Variants in NECTIN2 observed in about 807,000 individuals in gnomAD.
The protein encoded by NECTIN2 is nectin cell adhesion molecule 2, also known as nectin-2.
Under a neutral mutation model 56.9 loss-of-function variants are expected in NECTIN2, and 23 were observed. That is an observed-to-expected ratio of 0.40 (90% CI 0.29 to 0.57). The LOEUF (loss-of-function observed/expected upper bound fraction) is 0.57. Among genes scored for constraint, NECTIN2 ranks in the 20% least tolerant of loss-of-function variants. The probability of loss-of-function intolerance (pLI) is 0.38; values close to 1 mark genes in which losing one functional copy is unlikely to be tolerated. For synonymous variants in NECTIN2, 302 were observed against 313.8 expected (o/e 0.96, Z 0.40); for missense variants, 587 against 718.3 (o/e 0.82, Z 2.09).
At chr19:44,878,335 G>A in intron 5 of NECTIN2, 1 of 1,541,108 alleles carries the variant, frequency 6.5e-7, no homozygotes. Flanking sequence ...TCATCCTGCT[G>A]AGGGTGAGGA....
Position 44,874,541 on chromosome 19 carries a change from C to T in NECTIN2, c.1042+63C>T. ...TCCGCTCCCCTGGAGTTCTGCCCTTCAGGACTTGGGGCTGCACTGGGGGAG... is the reference window on the plus strand; with the variant it reads ...TCCGCTCCCCTGGAGTTCTGCCCTTTAGGACTTGGGGCTGCACTGGGGGAG... On this transcript the variant is annotated intron_variant, in intron 5 of 8. Coordinates refer to ENST00000252483, the MANE Select transcript of NECTIN2 (RefSeq NM_001042724.2). This position sits in a 1 kb window ranked among gnomAD's most constrained non-coding sequence, Gnocchi z 6.3. 1.3e-6 allele frequency: 2 copies of T among 1,593,150 alleles called. No homozygotes were observed. Among genetic ancestry groups the T allele is most frequent in the Non-Finnish European group, 1.7e-6 (2 of 1,172,080 alleles).
intron 8 of NECTIN2, 23 bp from the exon 9 acceptor site, chr19:44,888,087 T>C: frequency 6.2e-7 from 1 of 1,603,642 alleles, no homozygotes; most frequent in Non-Finnish European, 8.5e-7. Flanking sequence ...GATCTTGAGT[T>C]CCTGTCCTCT....
intron 1 of NECTIN2, among the ~76,000 whole-genome samples, chr19:44,854,567 C>T (rs1968940981): frequency 6.6e-6 from 1 of 152,072 alleles, no homozygotes; most frequent in Non-Finnish European, 1.5e-5. Context: ...AATCCCAACA[C>T]TTTGGGAGGC....
intron 1 of NECTIN2, among the ~76,000 whole-genome samples, chr19:44,849,005 GGCA>G (rs1319128189): frequency 6.6e-6 from 1 of 152,146 alleles, no homozygotes; most frequent in Non-Finnish European, 1.5e-5. Flanking sequence ...GCAGAGGGAC[GGCA>G]GCCTGGCTGT....
In NECTIN2 at chr19:44,874,133, G is replaced by A; in HGVS notation, c.893+100G>A. ...GGAGGGGCTGGGGGCCTGGACTCCT[G>A]GATCTGAGGGAGGAGGGGCTGGGCC... On this transcript the variant is annotated intron_variant, in intron 4 of 8. Transcript: ENST00000252483. The surrounding 1 kb of genome is among the most constrained non-coding windows in gnomAD (Gnocchi z 6.3). 1.7e-6 allele frequency: 2 copies of A among 1,211,856 alleles called. No homozygotes were observed. Among genetic ancestry groups the A allele is most frequent in the African/African-American group, 1.7e-5 (1 of 59,554 alleles). The allele number at this position is 1,211,856 out of a possible 1,614,324, so 75.1% of individuals were successfully genotyped here. A position where few individuals can be genotyped will look rare whatever the true frequency, so the allele number is the denominator to read the frequency against.
intron 5 of NECTIN2, chr19:44,878,415 C>G: frequency 6.4e-7 from 1 of 1,573,628 alleles, no homozygotes; most frequent in South Asian, 1.2e-5. Flanking sequence ...GATCCGAAAG[C>G]TCAGGTGTTG....
chr19:44,871,312 T>C (rs1043815055), intron 2 of NECTIN2, among the ~76,000 whole-genome samples: 1 of 152,124 alleles, frequency 6.6e-6, no homozygotes, highest in African/African-American at 2.4e-5. Context: ...AGATGGCTTG[T>C]GCTCAGGAGT....
At chr19:44,860,414 G>A (rs2122649912) in intron 1 of NECTIN2, among the ~76,000 whole-genome samples, 1 of 152,234 alleles carries the variant, frequency 6.6e-6, no homozygotes, top group East Asian at 1.9e-4. Context: ...TTGGGGGGCT[G>A]AGGTGGGAGG....
In NECTIN2 at chr19:44,846,453, C is replaced by G. The variant is rs1165531466; in HGVS notation, c.-73C>G. ...CGGAGCCCCACAGGCACCTACTAAA[C>G]CGCCCAGCCGATCGGCCCCCACAGA... On this transcript the variant is annotated 5_prime_UTR_variant, in exon 1 of 9. Coordinates refer to ENST00000252483, the MANE Select transcript of NECTIN2 (RefSeq NM_001042724.2). 1 of 1,393,364 alleles carries G rather than the reference C, an allele frequency of 7.2e-7. No homozygotes were observed. The highest frequency in any genetic ancestry group is 1.5e-5 in the African/African-American group (1 of 65,136). 86.3% of individuals were successfully genotyped at this position (1,393,364 alleles called of 1,614,324 possible). A position where few individuals can be genotyped will look rare whatever the true frequency, so the allele number is the denominator to read the frequency against.
At chr19:44,873,233 C>T (rs993600274) in intron 3 of NECTIN2, among the ~76,000 whole-genome samples, 3 of 152,162 alleles carry the variant, frequency 2.0e-5, no homozygotes, top group African/African-American at 4.8e-5. Context: ...GCATCACGTG[C>T]GCCCATAAGT....
intron 1 of NECTIN2, among the ~76,000 whole-genome samples, chr19:44,863,613 G>T (rs1238727324): frequency 1.3e-5 from 2 of 151,802 alleles, no homozygotes; most frequent in African/African-American, 2.4e-5. Context: ...AGGGCCAAGG[G>T]GGGAGCTGAT....
At position 44,846,584 on chromosome 19, in the gene NECTIN2, C is replaced by CGCTGCTGCT; in HGVS notation, c.69_77dup (p.Leu25_Leu27dup). 6.6e-7 allele frequency: 1 copy of CGCTGCTGCT among 1,524,452 alleles called. No individual in the cohort carries two copies. The highest frequency in any genetic ancestry group is 8.8e-7 in the Non-Finnish European group (1 of 1,142,196). The allele number at this position is 1,524,452 out of a possible 1,614,324, so 94.4% of individuals were successfully genotyped here. A position where few individuals can be genotyped will look rare whatever the true frequency, so the allele number is the denominator to read the frequency against. The stretch of plus-strand genomic sequence containing the variant: ...TCGCCGCCGACGCCGCTGCTGTGGC[C>CGCTGCTGCT]GCTGCTGCTGCTGCTGCTCCTGGAA... On this transcript the variant is annotated inframe_insertion, in exon 1 of 9. Transcript: ENST00000252483.
rs199957674 is a variant in NECTIN2, at chr19:44,886,213, T to C, written c.1341T>C (p.Thr447=). ...ACTTTGATGCTGGCGCCTCATGCAC[T>C]GAGCAGGTAGGAGCTCATGGGAAGA... ...TPYFDAGASC[T]EQEMPRYHEL... is the part of the protein sequence containing the mutation. The change falls in exon 8 of 9, where the codon ACT becomes ACC. Residue 447 remains threonine, a synonymous_variant. Transcript: ENST00000252483. 64 of 1,610,776 alleles carry C rather than the reference T, an allele frequency of 4.0e-5. No individual in the cohort carries two copies. The highest frequency in any genetic ancestry group is 3.7e-4 in the Admixed American group (22 of 60,000).
chr19:44,863,841 C>CA (rs34834700), intron 1 of NECTIN2, among the ~76,000 whole-genome samples: 260 of 132,614 alleles, frequency 2.0e-3, no homozygotes, highest in Non-Finnish European at 2.4e-3. Flanking sequence ...GACTCAGTCT[C>CA]AAAAAAAAAA....
intron 6 of NECTIN2, among the ~76,000 whole-genome samples, chr19:44,882,690 CAAAAAA>C (rs35741405): frequency 2.6e-5 from 1 of 38,326 alleles, no homozygotes; most frequent in African/African-American, 9.9e-5. Flanking sequence ...CCCCCATCTA[CAAAAAA>C]AAAAAAAAAA....
In NECTIN2 at chr19:44,865,388, C is replaced by T. The variant is rs1217007165; in HGVS notation, c.206C>T (p.Thr69Ile). ...PVPGLYISLVTWQRPDAPANH... is the reference protein window; with the variant it reads ...PVPGLYISLVIWQRPDAPANH... The stretch of plus-strand genomic sequence containing the variant: ...CCTGGACTGTACATCTCCCTGGTGA[C>T]CTGGCAGCGCCCAGATGCACCTGCG... Residue 69 changes from threonine to isoleucine, a missense_variant, in exon 2 of 9, where the codon ACC (threonine) becomes ATC (isoleucine). Physicochemically the swap from Thr to Ile is moderately conservative, Grantham distance 89 (BLOSUM62 -1). Transcript: ENST00000252483. This position sits in a 1 kb window ranked among gnomAD's most constrained non-coding sequence, Gnocchi z 5.2. 1.2e-5 allele frequency: 20 copies of T among 1,614,188 alleles called. No individual in the cohort carries two copies. The highest frequency in any genetic ancestry group is 1.7e-5 in the Non-Finnish European group (20 of 1,180,044).
chr19:44,873,349 C>G (rs1300039116), intron 3 of NECTIN2, among the ~76,000 whole-genome samples: 1 of 152,190 alleles, frequency 6.6e-6, no homozygotes, highest in Non-Finnish European at 1.5e-5. Flanking sequence ...AACACACACA[C>G]AGGCCGGGTG....
intron 2 of NECTIN2, among the ~76,000 whole-genome samples, chr19:44,868,122 G>C (rs1969123952): frequency 6.6e-6 from 1 of 151,958 alleles, no homozygotes; most frequent in Non-Finnish European, 1.5e-5. Flanking sequence ...AGCACTTTAG[G>C]AGGCCAAGGT....
At chr19:44,873,497 G>A (rs939581034) in intron 3 of NECTIN2, among the ~76,000 whole-genome samples, 3 of 152,192 alleles carry the variant, frequency 2.0e-5, no homozygotes, top group Admixed American at 6.5e-5. Context: ...GCTGGACGTG[G>A]TGGTACATGC....
Sources: gnomAD v4.1 joint callset for allele counts (sites outside exome capture counted in the v4.1 genomes callset) on GRCh38, gnomAD v4.1.1 for gene constraint, Gnocchi (gnomAD v3.1) non-coding constraint, MANE v1.5 for transcripts, NCBI Gene and HGNC (gene_info 2026-07-23, HGNC 2026-07-21) for gene names.